TJP1: variants seen among roughly 807,000 people sequenced by gnomAD.
The protein encoded by TJP1 is tight junction protein 1.
TJP1 carries 43 observed loss-of-function variants against 194.2 expected under a neutral mutation model. That is an observed-to-expected ratio of 0.22 (90% CI 0.17 to 0.29). The LOEUF (loss-of-function observed/expected upper bound fraction) is 0.29, where lower values mean the gene tolerates loss of function less well. Ranked by LOEUF, TJP1 falls within the 10% of genes least tolerant of loss-of-function variation. The pLI is 1.00. For synonymous variants in TJP1, 801 were observed against 779.0 expected (o/e 1.03, Z -0.47); for missense variants, 1,971 against 2,185.7 (o/e 0.90, Z 1.96).
At chr15:29,707,274 T>C (rs1428362756) in intron 25 of TJP1, among the ~76,000 whole-genome samples, 1 of 152,138 alleles carries the variant, frequency 6.6e-6, no homozygotes. Context: ...TTCCTGAAAG[T>C]ACAGTTTTGA....
At chr15:29,764,972 G>GA (rs898507016) in intron 5 of TJP1, among the ~76,000 whole-genome samples, 1 of 152,064 alleles carries the variant, frequency 6.6e-6, no homozygotes, top group Non-Finnish European at 1.5e-5. Context: ...ACCTTAAGTG[G>GA]AAAAAAAGAT....
rs2042194235 is a variant in TJP1 at position 29,710,827 on chromosome 15, C to G, written c.4372+4G>C. The G allele has an allele frequency of 6.2e-7, 1 of 1,613,782 alleles. No individual in the cohort carries two copies. The highest frequency in any genetic ancestry group is 1.3e-5 in the African/African-American group (1 of 74,922). On this transcript the variant is annotated splice_donor_region_variant and intron_variant, in intron 24 of 27. Coordinates refer to ENST00000614355, the MANE Select transcript of TJP1 (RefSeq NM_001330239.4). ...GTTAAAATGTCTACTTCCGAACTTC[C>G]TACCTTCACCATGTGCTCCCTTAGA...
intron 2 of TJP1, among the ~76,000 whole-genome samples, chr15:29,875,075 GATT>G (rs1279388860): frequency 6.6e-6 from 1 of 152,152 alleles, no homozygotes; most frequent in Non-Finnish European, 1.5e-5. Flanking sequence ...ATTACATAAA[GATT>G]TTTTATTTTA....
At chr15:29,860,671 A>G (rs1052829345) in intron 2 of TJP1, among the ~76,000 whole-genome samples, 9 of 151,938 alleles carry the variant, frequency 5.9e-5, no homozygotes, top group East Asian at 3.9e-4. Context: ...TTGTTTGTCT[A>G]TTTTTCAGCT....
chr15:29,833,877 ATATATTTTTT>A lies in TJP1; in HGVS notation c.307-33185_307-33176del, dbSNP rs1439096541. Among the ~76,000 whole-genome samples, 49 of 14,438 alleles carry A rather than the reference ATATATTTTTT, an allele frequency of 3.4e-3. 2 individuals carry two copies. Among genetic ancestry groups the A allele is most frequent in the African/African-American group, 9.7e-3 (44 of 4,558 alleles). The allele number at this position is 14,438 out of a possible 152,430, so 9.5% of individuals were successfully genotyped here. On this transcript the variant is annotated intron_variant, in intron 2 of 28. Transcript: ENST00000356107. The stretch of plus-strand genomic sequence containing the variant: ...TGTAAGTATATATATATATATATAT[ATATATTTTTT>A]TTTTTTTTTTTTTTGAGACGGAGTC...
Position 29,716,726 on chromosome 15 carries a change from C to A in TJP1, c.4087G>T (p.Asp1363Tyr). The change falls in exon 23 of 28, where the codon GAC (aspartate) becomes TAC (tyrosine). Residue 1363 changes from aspartate (D) to tyrosine (Y), a missense_variant. By Grantham distance (160) the Asp-to-Tyr change is radical. Around this residue, in one of 5 missense-constraint regions of TJP1, gnomAD observed 1,108 missense variants for 1,128.5 expected, o/e 0.98. Coordinates refer to ENST00000614355, the MANE Select transcript of TJP1 (RefSeq NM_001330239.4). ...GGCTTATTCTCAAAACTTCTTCGGTCAAAGTATGACAGCTGTTTTCGATAA... is the reference window on the plus strand; with the variant it reads ...GGCTTATTCTCAAAACTTCTTCGGTAAAAGTATGACAGCTGTTTTCGATAA... ...EYYRKQLSYF[D>Y]RRSFENKPPA... The A allele has an allele frequency of 6.2e-7, 1 of 1,614,074 alleles. No homozygotes were observed. The highest frequency in any genetic ancestry group is 1.1e-5 in the South Asian group (1 of 91,050).
intron 2 of TJP1, among the ~76,000 whole-genome samples, chr15:29,798,387 T>C (rs1327191148): frequency 6.6e-6 from 1 of 152,164 alleles, no homozygotes; most frequent in Non-Finnish European, 1.5e-5. Context: ...TTGGGAATAT[T>C]TGCGTTATAC....
At chr15:29,876,322 C>A (rs2052697606) in intron 2 of TJP1, among the ~76,000 whole-genome samples, 1 of 152,034 alleles carries the variant, frequency 6.6e-6, no homozygotes, top group Non-Finnish European at 1.5e-5. Flanking sequence ...GAGTTCGAAA[C>A]CAGCTTGACC....
At chr15:29,960,485 A>C (rs1181774768) in intron 1 of TJP1, among the ~76,000 whole-genome samples, 1 of 151,580 alleles carries the variant, frequency 6.6e-6, no homozygotes. Context: ...ATACAAAAAA[A>C]CTCGCCAGGC....
intron 2 of TJP1, among the ~76,000 whole-genome samples, chr15:29,934,932 T>C (rs892823323): frequency 6.6e-6 from 1 of 152,216 alleles, no homozygotes; most frequent in Non-Finnish European, 1.5e-5. Flanking sequence ...CAATATAGGT[T>C]AAAATAAATT....
chr15:29,917,657 G>A (rs900475864), intron 2 of TJP1, among the ~76,000 whole-genome samples: 1 of 152,144 alleles, frequency 6.6e-6, no homozygotes, highest in Non-Finnish European at 1.5e-5. Flanking sequence ...GTGTAGGGCT[G>A]AGAACAGGGG....
chr15:29,871,997 A>C (rs576276748), intron 2 of TJP1, among the ~76,000 whole-genome samples: 1 of 152,374 alleles, frequency 6.6e-6, no homozygotes, highest in African/African-American at 2.4e-5. Flanking sequence ...GAAGGAGTAC[A>C]GGTCTGAACA....
intron 2 of TJP1, among the ~76,000 whole-genome samples, chr15:29,789,726 T>C (rs1240952197): frequency 6.6e-6 from 1 of 152,190 alleles, no homozygotes; most frequent in African/African-American, 2.4e-5. Flanking sequence ...TCAAAGAATA[T>C]GGATTTGTCT....
At chr15:29,940,729 A>G (rs2055042873) in intron 2 of TJP1, among the ~76,000 whole-genome samples, 1 of 152,200 alleles carries the variant, frequency 6.6e-6, no homozygotes, top group African/African-American at 2.4e-5. Flanking sequence ...GCAGATCCAT[A>G]TTAGATAAAA....
intron 2 of TJP1, among the ~76,000 whole-genome samples, chr15:29,924,397 G>A (rs1467462022): frequency 6.6e-6 from 1 of 152,002 alleles, no homozygotes; most frequent in Non-Finnish European, 1.5e-5. Context: ...GGAAAAAACT[G>A]CAAAAAATCT....
intron 2 of TJP1, among the ~76,000 whole-genome samples, chr15:29,879,603 A>C (rs572121105): frequency 1.3e-5 from 2 of 152,352 alleles, no homozygotes; most frequent in Admixed American, 6.5e-5. Context: ...TAGCGACAGC[A>C]ATCCTGTGGT....
At chr15:29,729,923 G>C (rs555434819) in intron 15 of TJP1, among the ~76,000 whole-genome samples, 3 of 152,040 alleles carry the variant, frequency 2.0e-5, no homozygotes, top group Non-Finnish European at 4.4e-5. Context: ...ATAATTATGG[G>C]AACAGCTATA....
chr15:29,753,836 A>AC (rs1360480698), intron 8 of TJP1, among the ~76,000 whole-genome samples: 1 of 152,032 alleles, frequency 6.6e-6, no homozygotes, highest in East Asian at 1.9e-4. Flanking sequence ...AAAAAAAAAA[A>AC]AACAAAGGTA....
intron 2 of TJP1, among the ~76,000 whole-genome samples, chr15:29,950,685 C>A (rs1271559790): frequency 1.3e-5 from 2 of 152,182 alleles, no homozygotes; most frequent in Non-Finnish European, 2.9e-5. Flanking sequence ...GTGTCCATGT[C>A]CCTCCATGGA....
Sources: gnomAD v4.1 joint callset for allele counts (sites outside exome capture counted in the v4.1 genomes callset) on GRCh38, gnomAD v4.1.1 for gene constraint, gnomAD v4.1.1 regional missense constraint, MANE v1.5 for transcripts, NCBI Gene and HGNC (gene_info 2026-07-23, HGNC 2026-07-21) for gene names.